Variants in DENND6A observed in about 807,000 individuals in gnomAD.
DENND6A encodes the protein DENN domain containing 6A, also known as protein DENND6A.
Under a neutral mutation model 95.5 loss-of-function variants are expected in DENND6A, and 43 were observed. The ratio of observed to expected loss-of-function variants is 0.45; its 90% CI spans 0.35 to 0.58. The LOEUF (loss-of-function observed/expected upper bound fraction) is 0.58, where lower values mean the gene tolerates loss of function less well. Ranked by LOEUF, DENND6A falls within the 20% of genes least tolerant of loss-of-function variation. The probability of loss-of-function intolerance (pLI) is 0.00; values close to 1 mark genes in which losing one functional copy is unlikely to be tolerated. For missense variants in DENND6A, 574 were observed against 736.0 expected (o/e 0.78, Z 2.55); for synonymous variants, 257 against 260.4 (o/e 0.99, Z 0.13).
At chr3:57,646,086 C>T (rs2071074040) in intron 10 of DENND6A, among the ~76,000 whole-genome samples, 1 of 152,182 alleles carries the variant, frequency 6.6e-6, no homozygotes, top group East Asian at 1.9e-4. Flanking sequence ...GTGCCTGCCA[C>T]TCAGAACAAC....
intron 1 of DENND6A, among the ~76,000 whole-genome samples, chr3:57,674,636 C>T (rs933399406): frequency 1.3e-5 from 2 of 152,074 alleles, no homozygotes; most frequent in African/African-American, 4.8e-5. Flanking sequence ...AGACTCTTAT[C>T]TCAAAAAATA....
intron 14 of DENND6A, 62 bp from the exon 15 acceptor site, chr3:57,633,416 TATCAGATTCAATTGCTATGTA>T (rs2070727365): frequency 7.5e-7 from 1 of 1,331,230 alleles, no homozygotes; most frequent in Non-Finnish European, 1.1e-6. Flanking sequence ...AATGGATAAC[TATCAGATTCAATTGCTATGTA>T]AATATACATT....
At chr3:57,659,944 T>A (rs1250666601) in intron 7 of DENND6A, among the ~76,000 whole-genome samples, 1 of 152,222 alleles carries the variant, frequency 6.6e-6, no homozygotes, top group African/African-American at 2.4e-5. Context: ...GGCCATGGAA[T>A]TGCAGAACTC....
chr3:57,679,890 C>A (rs905698014), intron 1 of DENND6A, among the ~76,000 whole-genome samples: 2 of 152,074 alleles, frequency 1.3e-5, no homozygotes, highest in Admixed American at 6.6e-5. Flanking sequence ...CAACAGACAG[C>A]CTAACAGCAG....
At chr3:57,665,077 C>G (rs907036207) in intron 4 of DENND6A, among the ~76,000 whole-genome samples, 1 of 151,962 alleles carries the variant, frequency 6.6e-6, no homozygotes. Flanking sequence ...GGAAAAAGCA[C>G]ATAGTTCAGT....
At chr3:57,675,511 A>T (rs1419832319) in intron 1 of DENND6A, among the ~76,000 whole-genome samples, 1 of 152,242 alleles carries the variant, frequency 6.6e-6, no homozygotes, top group Non-Finnish European at 1.5e-5. Flanking sequence ...AGAAACCTCA[A>T]GGACCATCTC....
At chr3:57,670,042 A>G (rs2071591291) in intron 3 of DENND6A, among the ~76,000 whole-genome samples, 1 of 151,870 alleles carries the variant, frequency 6.6e-6, no homozygotes, top group African/African-American at 2.4e-5. Context: ...AAAAAAGAAA[A>G]AAGAAAAAAA....
rs745339005 is a variant in DENND6A, at chr3:57,630,795, T to A, written c.1437A>T (p.Pro479=). Residue 479 remains proline (P), a synonymous_variant, in exon 17 of 20, where the codon CCA becomes CCT. Coordinates refer to ENST00000311128, the MANE Select transcript of DENND6A (RefSeq NM_152678.3). ...KSPPQLRQFL[P]EEFMKTLEKT... is the part of the protein sequence containing the mutation. ...TCTCAAGTGTTTTCATAAATTCTTC[T>A]GGAAGAAACTGTCTTAATTGAGGTG... 6 of 1,614,068 alleles carry A rather than the reference T, an allele frequency of 3.7e-6. No individual in the cohort carries two copies. The highest frequency in any genetic ancestry group is 2.5e-6 in the Non-Finnish European group (3 of 1,179,996).
intron 3 of DENND6A, among the ~76,000 whole-genome samples, chr3:57,669,636 A>G (rs2071581883): frequency 1.3e-5 from 2 of 150,958 alleles, no homozygotes; most frequent in African/African-American, 4.9e-5. Context: ...AATGGCGTGA[A>G]CCCGGGAGGC....
At chr3:57,647,427 A>T (rs1325280165) in intron 9 of DENND6A, among the ~76,000 whole-genome samples, 1 of 152,116 alleles carries the variant, frequency 6.6e-6, no homozygotes, top group Non-Finnish European at 1.5e-5. Flanking sequence ...TTGACCAGGG[A>T]GGCGTGTCAG....
chr3:57,673,632 C>G (rs2071658305), intron 1 of DENND6A, among the ~76,000 whole-genome samples: 1 of 152,116 alleles, frequency 6.6e-6, no homozygotes. Context: ...ATGGATATCC[C>G]AATAACTCTA....
chr3:57,638,371 AAACAGGCTGGGTGTGGT>A (rs1269727133), intron 12 of DENND6A, among the ~76,000 whole-genome samples: 1 of 151,920 alleles, frequency 6.6e-6, no homozygotes, highest in African/African-American at 2.4e-5. Context: ...AATGGCCAAT[AAACAGGCTGGGTGTGGT>A]GGCTCACGCC....
In DENND6A at chr3:57,628,332, C is replaced by T. The variant is rs145204368; in HGVS notation, c.1709G>A (p.Arg570Gln). 5.6e-6 allele frequency: 9 copies of T among 1,613,668 alleles called. No homozygotes were observed. The highest frequency in any genetic ancestry group is 2.2e-5 in the East Asian group (1 of 44,884). Residue 570 changes from arginine (R) to glutamine (Q), a missense_variant, in exon 20 of 20, where the codon CGA becomes CAA. By Grantham distance (43) the Arg-to-Gln change is conservative. Transcript: ENST00000311128. ...KLKNKLLQADREHLPVKPDTM... is the reference protein window; with the variant it reads ...KLKNKLLQADQEHLPVKPDTM... ...GTCAGGTTTCACAGGTAAGTGCTCT[C>T]GATCAGCCTGCAACTACATAAGGAA...
At chr3:57,651,699 A>G (rs2071213238) in intron 9 of DENND6A, among the ~76,000 whole-genome samples, 1 of 152,196 alleles carries the variant, frequency 6.6e-6, no homozygotes, top group Non-Finnish European at 1.5e-5. Flanking sequence ...CAAAAAAAAA[A>G]AAGATAAACC....
intron 7 of DENND6A, 61 bp from the exon 8 acceptor site, chr3:57,659,241 A>G (rs910630020): frequency 6.4e-7 from 1 of 1,562,720 alleles, no homozygotes; most frequent in African/African-American, 1.4e-5. Flanking sequence ...GAAGTGCTGT[A>G]TCCTGCTGCT....
chr3:57,650,262 C>T (rs2153414353), intron 9 of DENND6A, among the ~76,000 whole-genome samples: 1 of 151,722 alleles, frequency 6.6e-6, no homozygotes, highest in Non-Finnish European at 1.5e-5. Flanking sequence ...TGCAACCAAA[C>T]ACCACCTATT....
chr3:57,665,184 G>A (rs1045781815), intron 4 of DENND6A, among the ~76,000 whole-genome samples: 5 of 152,230 alleles, frequency 3.3e-5, no homozygotes, highest in African/African-American at 9.6e-5. Context: ...CAAAAAGTGA[G>A]GACAAGGAAG....
At position 57,663,732 on chromosome 3, in the gene DENND6A, C is replaced by G; in HGVS notation, c.433-16G>C. On this transcript the variant is annotated splice_polypyrimidine_tract_variant and intron_variant, in intron 4 of 19. Transcript: ENST00000311128. The stretch of plus-strand genomic sequence containing the variant: ...CAGGATCCTTCTAAGAAGAAAGTGA[C>G]AAGTAAGTGTGTGTGGGGGGGTACA... 1 of 1,523,834 alleles carries G rather than the reference C, an allele frequency of 6.6e-7. No individual in the cohort carries two copies. The highest frequency in any genetic ancestry group is 8.9e-7 in the Non-Finnish European group (1 of 1,119,898). The allele number at this position is 1,523,834 out of a possible 1,614,324, so 94.4% of individuals were successfully genotyped here.
intron 1 of DENND6A, among the ~76,000 whole-genome samples, chr3:57,682,550 T>G (rs775363118): frequency 6.6e-6 from 1 of 152,176 alleles, no homozygotes; most frequent in African/African-American, 2.4e-5. Flanking sequence ...CAATAAATAT[T>G]GTGTATAATT....
Sources: allele counts gnomAD v4.1 joint callset (sites outside exome capture counted in the v4.1 genomes callset), GRCh38; gene constraint gnomAD v4.1.1; transcripts MANE v1.5; gene names NCBI Gene and HGNC (gene_info 2026-07-23, HGNC 2026-07-21).